Variants in TPGS2 observed in about 807,000 individuals in gnomAD.
The protein encoded by TPGS2 is tubulin polyglutamylase complex subunit 2.
A neutral mutation model predicts 31.1 loss-of-function variants in TPGS2; 26 were observed. That is an observed-to-expected ratio of 0.84 (90% CI 0.61 to 1.16). The LOEUF (loss-of-function observed/expected upper bound fraction) is 1.16. TPGS2 is among the 50% of genes most tolerant of loss of function. The pLI, the probability that TPGS2 is intolerant of heterozygous loss-of-function variation, is 0.00. For missense variants in TPGS2, 351 were observed against 363.8 expected (o/e 0.96, Z 0.29); for synonymous variants, 130 against 136.6 (o/e 0.95, Z 0.34).
downstream of TPGS2, among the ~76,000 whole-genome samples, chr18:36,790,423 G>C (rs560479497): frequency 6.6e-5 from 10 of 152,306 alleles, no homozygotes; most frequent in African/African-American, 2.2e-4. Flanking sequence ...CTTTCATAAT[G>C]CTCGCTACAT....
At chr18:36,781,991 T>G, downstream of TPGS2, 1 of 950,050 alleles carries the variant, frequency 1.1e-6, no homozygotes, top group East Asian at 1.2e-4. Flanking sequence ...AGGTACAATA[T>G]TCCACTTATG....
At chr18:36,807,104 C>G (rs1453423234) in intron 3 of TPGS2, among the ~76,000 whole-genome samples, 4 of 139,864 alleles carry the variant, frequency 2.9e-5, no homozygotes, top group African/African-American at 1.0e-4. Context: ...CAATAATGGA[C>G]TGGAGGGGAG....
intron 2 of TPGS2, among the ~76,000 whole-genome samples, chr18:36,811,530 T>A (rs17652345): frequency 6.6e-6 from 1 of 152,124 alleles, no homozygotes; most frequent in African/African-American, 2.4e-5. Context: ...AGAGCTCATA[T>A]GAGGCAACCT....
Position 36,805,383 on chromosome 18 carries a change from T to A in TPGS2, c.373A>T (p.Thr125Ser). Residue 125 changes from threonine to serine, a missense_variant, in exon 4 of 7, where the codon ACA becomes TCA. Physicochemically the swap from Thr to Ser is moderately conservative, Grantham distance 58. Transcript: ENST00000334295. ...CTTGGTATCTTCCTACCTTCATGTG[T>A]ATCGTCCTCCAGGTCTGCCAGAGTG... ...APTLADLEDD[T>S]HEASDDQPEK... is the part of the protein sequence containing the mutation. The A allele has an allele frequency of 6.2e-7, 1 of 1,613,922 alleles. No homozygotes were observed. The highest frequency in any genetic ancestry group is 1.1e-5 in the South Asian group (1 of 91,076).
downstream of TPGS2, chr18:36,790,092 C>G (rs575055767): frequency 6.6e-6 from 1 of 152,356 alleles, no homozygotes; most frequent in African/African-American, 2.4e-5. Context: ...ATACACTCTT[C>G]TCTCTTGACA....
chr18:36,795,752 AAGCCC>A lies in TPGS2; in HGVS notation c.*1048_*1052del, dbSNP rs1277174472. 1.0e-6 allele frequency: 1 copy of A among 985,342 alleles called. No homozygotes were observed. Among genetic ancestry groups the A allele is most frequent in the Non-Finnish European group, 1.2e-6 (1 of 829,942 alleles). The allele number at this position is 985,342 out of a possible 1,614,324, so 61.0% of individuals were successfully genotyped here. On this transcript the variant is annotated 3_prime_UTR_variant, in exon 7 of 7. Transcript: ENST00000334295. ...AACTTGCTTCCAAAGGAACTCTTGG[AAGCCC>A]ACCCTGTTCTAAGCAGGAGACTGCT...
chr18:36,795,979 C>T lies in TPGS2; in HGVS notation c.*826G>A, dbSNP rs551994565. On this transcript the variant is annotated 3_prime_UTR_variant, in exon 7 of 7. Transcript: ENST00000334295. ...GTAAGAATAAAGTATAGCAGAAGTA[C>T]ACCTTCTTTAAAAAGTTAATAAGGA... 42 of 985,416 alleles carry T rather than the reference C, an allele frequency of 4.3e-5. No homozygotes were observed. The African/African-American group carries it at 6.5e-4, about 15-fold the overall frequency. 61.0% of individuals were successfully genotyped at this position (985,416 alleles called of 1,614,324 possible). A position where few individuals can be genotyped will look rare whatever the true frequency, so the allele number is the denominator to read the frequency against.
chr18:36,804,757 T>G (rs1405207272), intron 4 of TPGS2, among the ~76,000 whole-genome samples: 1 of 152,212 alleles, frequency 6.6e-6, no homozygotes, highest in Non-Finnish European at 1.5e-5. Context: ...CCTGGCAACC[T>G]GGGTTGCCAT....
At chr18:36,828,022 C>G (rs189085235) in intron 1 of TPGS2, among the ~76,000 whole-genome samples, 1 of 152,186 alleles carries the variant, frequency 6.6e-6, no homozygotes, top group African/African-American at 2.4e-5. Flanking sequence ...GCCTGGCCAA[C>G]ATGGTGGAAC....
At chr18:36,790,031 G>T (rs967510447), downstream of TPGS2, 1 of 152,124 alleles carries the variant, frequency 6.6e-6, no homozygotes, top group Non-Finnish European at 1.5e-5. Context: ...CTGAGTCTTG[G>T]GAATTCTTGT....
chr18:36,812,104 A>G (rs1389070738), intron 2 of TPGS2, among the ~76,000 whole-genome samples: 1 of 151,982 alleles, frequency 6.6e-6, no homozygotes, highest in Non-Finnish European at 1.5e-5. Context: ...TTGTTTTTTG[A>G]GCTTGGAAAT....
chr18:36,781,796 T>C (rs2044023373), downstream of TPGS2: 1 of 985,362 alleles, frequency 1.0e-6, no homozygotes, highest in South Asian at 4.7e-5. Flanking sequence ...TAACCCCACT[T>C]ACGGAGACAG....
intron 3 of TPGS2, among the ~76,000 whole-genome samples, chr18:36,806,491 T>G (rs1015148239): frequency 2.6e-5 from 4 of 152,086 alleles, no homozygotes; most frequent in African/African-American, 9.7e-5. Flanking sequence ...CAAGGATGGT[T>G]TCTAAGCCAA....
rs1468580643 is a variant in TPGS2, at chr18:36,800,214, G to A, written c.480C>T (p.Tyr160=). Residue 160 remains tyrosine (Y), a synonymous_variant, in exon 5 of 7, where the codon TAC becomes TAT. Transcript: ENST00000334295. ...CNGSGKVCLV[Y]KSGKPALAED... ...AATTCTTACCTGGTTTCCCACTTTT[G>A]TAGACAAGGCAAACTTTCCCACTGC... The A allele has an allele frequency of 6.2e-7, 1 of 1,614,014 alleles. No homozygotes were observed. Among genetic ancestry groups the A allele is most frequent in the Admixed American group, 1.7e-5 (1 of 60,014 alleles).
chr18:36,828,060 T>C (rs1254585714), intron 1 of TPGS2, among the ~76,000 whole-genome samples: 1 of 151,876 alleles, frequency 6.6e-6, no homozygotes, highest in Non-Finnish European at 1.5e-5. Flanking sequence ...TACAAAAAAA[T>C]AGCTGGGCGA....
At position 36,795,087 on chromosome 18, in the gene TPGS2, G is replaced by C; in HGVS notation, c.*1718C>G. Reference sequence around the variant, plus strand: ...TTAGAGCTTGCCCTGATCCTTGAAGGCTAACTCTTCACCTTGGTTTTCCTC... The same window carrying C: ...TTAGAGCTTGCCCTGATCCTTGAAGCCTAACTCTTCACCTTGGTTTTCCTC... On this transcript the variant is annotated 3_prime_UTR_variant, in exon 7 of 7. Transcript: ENST00000334295. 5 of 985,432 alleles carry C rather than the reference G, an allele frequency of 5.1e-6. No homozygotes were observed. Among genetic ancestry groups the C allele is most frequent in the Non-Finnish European group, 6.0e-6 (5 of 829,944 alleles). 61.0% of individuals were successfully genotyped at this position (985,432 alleles called of 1,614,324 possible). A position where few individuals can be genotyped will look rare whatever the true frequency, so the allele number is the denominator to read the frequency against.
rs991053448 is a variant in TPGS2, at chr18:36,797,309, A to G, written c.658-259T>C. ...CAGTATGAAAACTAAGAATCTGAGCACACCTCCTTCTGATTTAGTGAGTCC... is the reference window on the plus strand; with the variant it reads ...CAGTATGAAAACTAAGAATCTGAGCGCACCTCCTTCTGATTTAGTGAGTCC... On this transcript the variant is annotated intron_variant, in intron 6 of 6. Coordinates refer to ENST00000334295, the MANE Select transcript of TPGS2 (RefSeq NM_015476.4). Among the ~76,000 whole-genome samples, 64 of 152,212 alleles carry G rather than the reference A, an allele frequency of 4.2e-4. 1 individual carries two copies. Among genetic ancestry groups the G allele is most frequent in the African/African-American group, 1.5e-3 (64 of 41,532 alleles).
chr18:36,790,208 C>A (rs1404175652), downstream of TPGS2: 1 of 152,178 alleles, frequency 6.6e-6, no homozygotes, highest in Non-Finnish European at 1.5e-5. Flanking sequence ...ACCTGTTTAA[C>A]AGCTAAATCC....
chr18:36,795,583 A>G lies in TPGS2; in HGVS notation c.*1222T>C. On this transcript the variant is annotated 3_prime_UTR_variant, in exon 7 of 7. Transcript: ENST00000334295. Reference sequence around the variant, plus strand: ...AGGGAGGAAATAAATAGGCATTCCTAATTGAAAATCTGAGCAACCTTCTCT... The same window carrying G: ...AGGGAGGAAATAAATAGGCATTCCTGATTGAAAATCTGAGCAACCTTCTCT... 1 of 985,472 alleles carries G rather than the reference A, an allele frequency of 1.0e-6. No homozygotes were observed. Among genetic ancestry groups the G allele is most frequent in the Non-Finnish European group, 1.2e-6 (1 of 829,934 alleles). The allele number at this position is 985,472 out of a possible 1,614,324, so 61.0% of individuals were successfully genotyped here.
Sources: gnomAD v4.1 joint callset for allele counts (sites outside exome capture counted in the v4.1 genomes callset) on GRCh38, gnomAD v4.1.1 for gene constraint, MANE v1.5 for transcripts, NCBI Gene and HGNC (gene_info 2026-07-23, HGNC 2026-07-21) for gene names.